Variants in DACH2 observed in about 807,000 individuals in gnomAD.
DACH2 encodes the protein dachshund family transcription factor 2.
A neutral mutation model predicts 35.8 loss-of-function variants in DACH2; 17 were observed. That is an observed-to-expected ratio of 0.48 (90% CI 0.33 to 0.71). The LOEUF (loss-of-function observed/expected upper bound fraction) is 0.71. Among genes scored for constraint, DACH2 ranks in the 30% least tolerant of loss-of-function variants. The probability of loss-of-function intolerance (pLI) is 0.02; values close to 1 mark genes in which losing one functional copy is unlikely to be tolerated. For synonymous variants in DACH2, 195 were observed against 177.3 expected (o/e 1.10, Z -0.79); for missense variants, 469 against 472.7 (o/e 0.99, Z 0.07).
rs1175842546 is a variant in DACH2 at position 86,803,165 on chromosome X, A to T, written c.1241-9691A>T. ...CAGTTTTGTATTTCTAGGCTCTATA[A>T]AATATAGAGTTACTCCAAAAAATCA... On this transcript the variant is annotated intron_variant, in intron 7 of 11. Coordinates refer to ENST00000373125, the MANE Select transcript of DACH2 (RefSeq NM_053281.3). 5.4e-5 allele frequency among the ~76,000 whole-genome samples: 6 copies of T among 111,541 alleles called. No individual in the cohort carries two copies. In the East Asian group the frequency reaches 1.4e-3, roughly 26 times the overall value.
At chrX:86,402,380 TC>T (rs1482433593) in intron 2 of DACH2, among the ~76,000 whole-genome samples, 2 of 111,694 alleles carry the variant, frequency 1.8e-5, no homozygotes, top group Non-Finnish European at 3.8e-5. Context: ...TTTCTATACA[TC>T]AATAACTTCC....
At chrX:86,503,271 G>C (rs1175887393) in intron 2 of DACH2, among the ~76,000 whole-genome samples, 1 of 111,737 alleles carries the variant, frequency 8.9e-6, no homozygotes, top group African/African-American at 3.3e-5. Flanking sequence ...TAAAACTACG[G>C]TTTTACAATT....
chrX:86,703,839 T>C (rs1170997110), intron 5 of DACH2, among the ~76,000 whole-genome samples: 1 of 111,841 alleles, frequency 8.9e-6, no homozygotes, highest in Non-Finnish European at 1.9e-5. Context: ...AAACATTCCA[T>C]GCTCATGGAT....
At chrX:86,576,531 C>G (rs991180880) in intron 3 of DACH2, among the ~76,000 whole-genome samples, 1 of 111,114 alleles carries the variant, frequency 9.0e-6, no homozygotes, top group Non-Finnish European at 1.9e-5. Context: ...CCAGTCTAGC[C>G]ATTCTGTTTC....
intron 6 of DACH2, among the ~76,000 whole-genome samples, chrX:86,722,520 T>TG (rs201653679): frequency 0.13 from 4,394 of 34,045 alleles, 220 homozygotes; most frequent in African/African-American, 0.4. Flanking sequence ...GGCTAATGTG[T>TG]TTTTTTTTTT....
chrX:86,803,047 A>G (rs2042309837), intron 7 of DACH2, among the ~76,000 whole-genome samples: 1 of 112,086 alleles, frequency 8.9e-6, no homozygotes, highest in South Asian at 3.6e-4. Flanking sequence ...GGACTTGTAC[A>G]TGCCTTTGGT....
chrX:86,623,145 C>G (rs1348591832), intron 3 of DACH2, among the ~76,000 whole-genome samples: 1 of 111,913 alleles, frequency 8.9e-6, no homozygotes, highest in African/African-American at 3.2e-5. Flanking sequence ...GACTTCACAG[C>G]CTTTCTCTGA....
chrX:86,419,009 AGG>A (rs2036756189), intron 2 of DACH2, among the ~76,000 whole-genome samples: 1 of 111,576 alleles, frequency 9.0e-6, no homozygotes, highest in Admixed American at 9.5e-5. Context: ...AAACATAACA[AGG>A]GTTGCCTTTG....
chrX:86,358,086 C>G (rs909505292), intron 1 of DACH2, among the ~76,000 whole-genome samples: 1 of 111,346 alleles, frequency 9.0e-6, no homozygotes, highest in Non-Finnish European at 1.9e-5. Context: ...CTGTCATGTC[C>G]TCTCCCACTT....
intron 7 of DACH2, among the ~76,000 whole-genome samples, chrX:86,775,242 T>G (rs1313951626): frequency 9.1e-6 from 1 of 109,571 alleles, no homozygotes; most frequent in Non-Finnish European, 1.9e-5. Context: ...TTAAATAGAG[T>G]GAAGATATGA....
chrX:86,388,861 A>ATTCTCTATC (rs2036160169), intron 2 of DACH2, among the ~76,000 whole-genome samples: 1 of 111,809 alleles, frequency 8.9e-6, no homozygotes, highest in Non-Finnish European at 1.9e-5. Context: ...CGGAGTCAGA[A>ATTCTCTATC]ATTCTCTAAT....
chrX:86,513,297 G>A (rs889067137), intron 2 of DACH2, among the ~76,000 whole-genome samples: 5 of 111,652 alleles, frequency 4.5e-5, no homozygotes, highest in Admixed American at 9.5e-5. Flanking sequence ...ATATCATTCA[G>A]CTTTGTAAAA....
chrX:86,475,573 C>T (rs80335394), intron 2 of DACH2, among the ~76,000 whole-genome samples: 1 of 112,018 alleles, frequency 8.9e-6, no homozygotes, highest in African/African-American at 3.2e-5. Flanking sequence ...TAAGTTCTAA[C>T]AATTTTTTGG....
rs181330184 is a variant in DACH2, at chrX:86,373,011, T to C, written c.489-3813T>C. On this transcript the variant is annotated intron_variant, in intron 1 of 11. Coordinates refer to ENST00000373125, the MANE Select transcript of DACH2 (RefSeq NM_053281.3). ...TGCTGCAAAGGACATGATTTTGTTC[T>C]TTTTTATGGCTGTGTAATATTCCAT... Among the ~76,000 whole-genome samples the C allele has an allele frequency of 2.7e-5, 3 of 111,432 alleles. No homozygotes were observed. In the Admixed American group the frequency reaches 2.9e-4, roughly 11 times the overall value.
At chrX:86,747,852 G>T (rs1267400869) in intron 7 of DACH2, among the ~76,000 whole-genome samples, 1 of 111,577 alleles carries the variant, frequency 9.0e-6, no homozygotes, top group Non-Finnish European at 1.9e-5. Context: ...CTGTTTGAAG[G>T]CATCTTACCT....
chrX:86,595,904 A>G (rs1234728495), intron 3 of DACH2, among the ~76,000 whole-genome samples: 1 of 110,579 alleles, frequency 9.0e-6, no homozygotes, highest in Non-Finnish European at 1.9e-5. Context: ...GTTATTTGCT[A>G]TTACTCCCTA....
chrX:86,220,359 CT>C (rs1224264083), intron 1 of DACH2, among the ~76,000 whole-genome samples: 4 of 110,968 alleles, frequency 3.6e-5, no homozygotes, highest in African/African-American at 1.3e-4. Context: ...AACTTTATGG[CT>C]TTGGAACAAT....
chrX:86,741,609 T>C (rs933522428), intron 7 of DACH2, among the ~76,000 whole-genome samples: 3 of 111,724 alleles, frequency 2.7e-5, no homozygotes, highest in African/African-American at 9.8e-5. Flanking sequence ...ACTACCTGGT[T>C]GTTACTACAT....
Position 86,354,761 on chromosome X carries a change from T to C in DACH2, c.489-22063T>C. Among the ~76,000 whole-genome samples the C allele has an allele frequency of 1.6e-4, 2 of 12,841 alleles. 1 individual carries two copies. Among genetic ancestry groups the C allele is most frequent in the East Asian group, 6.0e-3 (2 of 333 alleles). 11.2% of individuals were successfully genotyped at this position (12,841 alleles called of 115,157 possible). Reference sequence around the variant, plus strand: ...GTGCAGCGCACCAGCATGGCACATGTATACATATGTAACTAACCTGCACAA... The same window carrying C: ...GTGCAGCGCACCAGCATGGCACATGCATACATATGTAACTAACCTGCACAA... On this transcript the variant is annotated intron_variant, in intron 1 of 11. Transcript: ENST00000373125.
Sources: allele counts gnomAD v4.1 joint callset (sites outside exome capture counted in the v4.1 genomes callset), GRCh38; gene constraint gnomAD v4.1.1; transcripts MANE v1.5; gene names NCBI Gene and HGNC (gene_info 2026-07-23, HGNC 2026-07-21).